The following NRXN1 variants were observed in gnomAD, a reference collection of about 807,000 sequenced individuals.
NRXN1 encodes the protein neurexin-1.
Under a neutral mutation model 150.9 loss-of-function variants are expected in NRXN1, and 39 were observed. That is an observed-to-expected ratio of 0.26 (90% confidence interval 0.20 to 0.34). The LOEUF (loss-of-function observed/expected upper bound fraction) is 0.34, where lower values mean the gene tolerates loss of function less well. Ranked by LOEUF, NRXN1 falls within the 10% of genes least tolerant of loss-of-function variation. The pLI, the probability that NRXN1 is intolerant of heterozygous loss-of-function variation, is 1.00. For synonymous variants in NRXN1, 924 were observed against 757.0 expected (o/e 1.22, Z -3.62); for missense variants, 1,815 against 1,949.9 (o/e 0.93, Z 1.30).
At chr2:50,755,705 C>T (rs1448760368) in intron 5 of NRXN1, among the ~76,000 whole-genome samples, 1 of 151,826 alleles carries the variant, frequency 6.6e-6, no homozygotes, top group Non-Finnish European at 1.5e-5. Context: ...ATCAGACATA[C>T]TCAAATTGGA....
At chr2:50,999,773 C>T (rs1699802889) in intron 2 of NRXN1, among the ~76,000 whole-genome samples, 1 of 151,942 alleles carries the variant, frequency 6.6e-6, no homozygotes, top group Admixed American at 6.6e-5. Flanking sequence ...ATCATTAAAT[C>T]CTGCCAGCTT....
chr2:50,155,676 T>C (rs968249450), intron 18 of NRXN1, among the ~76,000 whole-genome samples: 25 of 151,484 alleles, frequency 1.7e-4, no homozygotes, highest in African/African-American at 6.1e-4. Flanking sequence ...GATGCATATG[T>C]AGAATATTTT....
At chr2:50,446,898 T>C (rs1024451656) in intron 17 of NRXN1, among the ~76,000 whole-genome samples, 1 of 152,118 alleles carries the variant, frequency 6.6e-6, no homozygotes, top group South Asian at 2.1e-4. Flanking sequence ...GCCCAAGTAA[T>C]TGTGCCTTGT....
chr2:51,019,498 T>C (rs1035853995), intron 2 of NRXN1, among the ~76,000 whole-genome samples: 5 of 152,064 alleles, frequency 3.3e-5, no homozygotes, highest in African/African-American at 1.2e-4. Flanking sequence ...TCTAGTCCAT[T>C]TTCTGAAATA....
chr2:50,797,342 A>T (rs950505460), intron 5 of NRXN1, among the ~76,000 whole-genome samples: 40 of 152,074 alleles, frequency 2.6e-4, no homozygotes, highest in African/African-American at 8.9e-4. Flanking sequence ...CACTGGAGAT[A>T]TTGCTCCCCA....
intron 8 of NRXN1, among the ~76,000 whole-genome samples, chr2:50,611,387 G>A (rs1678101610): frequency 6.6e-6 from 1 of 152,048 alleles, no homozygotes; most frequent in Admixed American, 6.6e-5. Context: ...AAAATCTGTG[G>A]GTCCCCTGGA....
At chr2:50,887,962 TAA>T (rs1237071646) in intron 5 of NRXN1, among the ~76,000 whole-genome samples, 50 of 133,660 alleles carry the variant, frequency 3.7e-4, no homozygotes, top group Admixed American at 4.6e-4. Context: ...ACCTTTTAAG[TAA>T]AAAAAAAAAA....
At position 50,848,621 on chromosome 2, in the gene NRXN1, A is replaced by T. The variant is rs186759791; in HGVS notation, c.832+73248T>A. ...GGTTTTCAGTTAACATTCCAAAAATAATTCAGAGACTAGGACTGGAAAACT... is the reference window on the plus strand; with the variant it reads ...GGTTTTCAGTTAACATTCCAAAAATTATTCAGAGACTAGGACTGGAAAACT... On this transcript the variant is annotated intron_variant, in intron 5 of 22. Coordinates refer to ENST00000401669, the MANE Select transcript of NRXN1 (RefSeq NM_001330078.2). 2.0e-3 allele frequency among the ~76,000 whole-genome samples: 299 copies of T among 152,304 alleles called. 1 individual carries two copies. The highest frequency in any genetic ancestry group is 6.6e-3 in the African/African-American group (273 of 41,548).
intron 18 of NRXN1, among the ~76,000 whole-genome samples, chr2:50,203,430 C>T (rs895776814): frequency 1.3e-5 from 2 of 152,090 alleles, no homozygotes; most frequent in Admixed American, 1.3e-4. Context: ...ATGTTTGAAG[C>T]ATTTGAAAGA....
At chr2:50,969,193 C>G (rs1356837130) in intron 2 of NRXN1, among the ~76,000 whole-genome samples, 2 of 152,066 alleles carry the variant, frequency 1.3e-5, no homozygotes, top group African/African-American at 2.4e-5. Context: ...GCTCTTTATA[C>G]TGTTTTTATT....
chr2:49,933,456 ACT>A (rs1211253548), intron 22 of NRXN1, among the ~76,000 whole-genome samples: 3 of 151,700 alleles, frequency 2.0e-5, no homozygotes, highest in African/African-American at 7.3e-5. Flanking sequence ...CCTGCTGCCA[ACT>A]CTCTGTCCTT....
chr2:50,540,153 G>C (rs1177630284), intron 9 of NRXN1, among the ~76,000 whole-genome samples: 1 of 152,162 alleles, frequency 6.6e-6, no homozygotes, highest in Admixed American at 6.5e-5. Context: ...TTCAGAGAAA[G>C]AAAAGGGAAA....
At chr2:50,865,658 GTTTTT>G (rs71404978) in intron 5 of NRXN1, among the ~76,000 whole-genome samples, 4 of 41,830 alleles carry the variant, frequency 9.6e-5, no homozygotes, top group East Asian at 7.3e-4. Context: ...GCATTTGAAA[GTTTTT>G]TTTTTTTTTT....
chr2:50,375,607 T>C (rs534959414), intron 17 of NRXN1, among the ~76,000 whole-genome samples: 22 of 150,890 alleles, frequency 1.5e-4, no homozygotes, highest in Middle Eastern at 6.8e-3. Flanking sequence ...TTAAAATATC[T>C]TTGTATGTGA....
intron 5 of NRXN1, among the ~76,000 whole-genome samples, chr2:50,839,168 A>G (rs1672515784): frequency 6.6e-6 from 1 of 151,978 alleles, no homozygotes; most frequent in African/African-American, 2.4e-5. Context: ...AAATACTGTG[A>G]CTCTGCCCTT....
intron 18 of NRXN1, among the ~76,000 whole-genome samples, chr2:50,113,847 C>A (rs1190673324): frequency 1.3e-5 from 2 of 152,122 alleles, no homozygotes; most frequent in Non-Finnish European, 2.9e-5. Flanking sequence ...ATTATTATAT[C>A]GAAATGACTT....
chr2:50,528,064 A>C (rs1353713668), intron 12 of NRXN1, among the ~76,000 whole-genome samples: 1 of 152,160 alleles, frequency 6.6e-6, no homozygotes, highest in Non-Finnish European at 1.5e-5. Flanking sequence ...GTTTGCATGC[A>C]TGTCACAGAT....
At chr2:50,112,931 A>G (rs1702570347) in intron 18 of NRXN1, among the ~76,000 whole-genome samples, 1 of 152,170 alleles carries the variant, frequency 6.6e-6, no homozygotes, top group African/African-American at 2.4e-5. Context: ...TGCTTTTTGG[A>G]ACACAAGACA....
chr2:50,249,116 C>G (rs2066795425), intron 17 of NRXN1, among the ~76,000 whole-genome samples: 1 of 148,050 alleles, frequency 6.8e-6, no homozygotes, highest in Admixed American at 6.8e-5. Context: ...GTGATCACAT[C>G]ACTGCATTCC....
Sources: allele counts gnomAD v4.1 joint callset (sites outside exome capture counted in the v4.1 genomes callset), GRCh38; gene constraint gnomAD v4.1.1; transcripts MANE v1.5; gene names NCBI Gene and HGNC (gene_info 2026-07-23, HGNC 2026-07-21).